FHOD3: variants seen among roughly 807,000 people sequenced by gnomAD.
The protein encoded by FHOD3 is FH1/FH2 domain-containing protein 3.
FHOD3 carries 90 observed loss-of-function variants against 173.0 expected under a neutral mutation model. That is an observed-to-expected ratio of 0.52 (90% CI 0.44 to 0.62). The LOEUF is 0.62. Ranked by LOEUF, FHOD3 falls within the 20% of genes least tolerant of loss-of-function variation. The pLI is 0.00. For synonymous variants in FHOD3, 828 were observed against 823.0 expected (o/e 1.01, Z -0.10); for missense variants, 1,945 against 2,034.7 (o/e 0.96, Z 0.85).
At chr18:36,550,821 G>A (rs1043037401) in intron 5 of FHOD3, among the ~76,000 whole-genome samples, 1 of 151,968 alleles carries the variant, frequency 6.6e-6, no homozygotes, top group African/African-American at 2.4e-5. Flanking sequence ...TAGCTTTTCT[G>A]TAGATTCCAT....
chr18:36,704,868 A>T (rs574903136), intron 17 of FHOD3, among the ~76,000 whole-genome samples: 1 of 152,204 alleles, frequency 6.6e-6, no homozygotes, highest in Non-Finnish European at 1.5e-5. Context: ...GATGTCTGGG[A>T]TGGAAAAACC....
At chr18:36,495,143 G>T (rs1019050723) in intron 3 of FHOD3, among the ~76,000 whole-genome samples, 13 of 152,062 alleles carry the variant, frequency 8.5e-5, no homozygotes, top group Admixed American at 3.9e-4. Flanking sequence ...ATTTCACCAG[G>T]TTGCTCAGTC....
In FHOD3 at chr18:36,774,444, C is replaced by T. The variant is rs114944617; in HGVS notation, c.4787-5004C>T. Among the ~76,000 whole-genome samples the T allele has an allele frequency of 1.1e-3, 161 of 152,284 alleles. 2 individuals are homozygous for T. The highest frequency in any genetic ancestry group is 3.8e-3 in the African/African-American group (156 of 41,540). ...CAGACTGTCACTGTCCTGAAAACCC[C>T]GCCTTTTCCTGCATCTCAGATGACA... On this transcript the variant is annotated intron_variant, in intron 28 of 28. Coordinates refer to ENST00000590592, the MANE Select transcript of FHOD3 (RefSeq NM_001281740.3).
chr18:36,661,966 C>T (rs2036839766), intron 14 of FHOD3, among the ~76,000 whole-genome samples: 1 of 152,190 alleles, frequency 6.6e-6, no homozygotes, highest in Non-Finnish European at 1.5e-5. Flanking sequence ...TTAATGAAAG[C>T]AGACTTTTAA....
intron 3 of FHOD3, among the ~76,000 whole-genome samples, chr18:36,411,177 A>G: frequency 6.6e-6 from 1 of 152,270 alleles, no homozygotes; most frequent in Admixed American, 6.5e-5. Flanking sequence ...TTTTGTATTT[A>G]GTGTGAGGTA....
chr18:36,508,230 A>G (rs1330767809), intron 4 of FHOD3, among the ~76,000 whole-genome samples: 1 of 152,076 alleles, frequency 6.6e-6, no homozygotes, highest in Non-Finnish European at 1.5e-5. Flanking sequence ...AATTGGAAAT[A>G]TCAGAATGAA....
At chr18:36,773,112 G>A (rs1210930625) in intron 28 of FHOD3, among the ~76,000 whole-genome samples, 5 of 152,224 alleles carry the variant, frequency 3.3e-5, no homozygotes, top group African/African-American at 7.2e-5. Context: ...TCAGAAAGTC[G>A]GGACTCAGGT....
chr18:36,721,398 T>G lies in FHOD3; in HGVS notation c.3417+2683T>G, dbSNP rs150952919. Among the ~76,000 whole-genome samples the G allele has an allele frequency of 2.0e-5, 3 of 152,290 alleles. No homozygotes were observed. The East Asian group carries it at 5.8e-4, about 29-fold the overall frequency. On this transcript the variant is annotated intron_variant, in intron 19 of 28. Transcript: ENST00000590592. The stretch of plus-strand genomic sequence containing the variant: ...GCTCATTCTGGTAATTCCAGCACTT[T>G]AGGAGGCCAAGGCAGGTAGATGGCT...
chr18:36,438,485 T>A (rs964410343), intron 3 of FHOD3, among the ~76,000 whole-genome samples: 13 of 152,164 alleles, frequency 8.5e-5, no homozygotes, highest in African/African-American at 3.1e-4. Context: ...TCAGTAGCCC[T>A]TCTGCCCAGA....
intron 19 of FHOD3, among the ~76,000 whole-genome samples, chr18:36,726,632 C>G (rs2041085459): frequency 6.6e-6 from 1 of 152,132 alleles, no homozygotes; most frequent in South Asian, 2.1e-4. Context: ...ACCACTGTGG[C>G]TTTCTGACCA....
At chr18:36,558,990 A>G (rs1346955249) in intron 5 of FHOD3, among the ~76,000 whole-genome samples, 1 of 150,326 alleles carries the variant, frequency 6.7e-6, no homozygotes, top group African/African-American at 2.4e-5. Context: ...TCCTCTGACA[A>G]GCTATTCTAT....
chr18:36,402,896 C>T (rs1201043809), intron 3 of FHOD3, among the ~76,000 whole-genome samples: 1 of 152,230 alleles, frequency 6.6e-6, no homozygotes, highest in Non-Finnish European at 1.5e-5. Flanking sequence ...TTCACATCTG[C>T]TGAGAGGCGT....
At chr18:36,616,027 T>G (rs1379099732) in intron 9 of FHOD3, among the ~76,000 whole-genome samples, 1 of 152,176 alleles carries the variant, frequency 6.6e-6, no homozygotes, top group Non-Finnish European at 1.5e-5. Flanking sequence ...CCCTCAGTTT[T>G]TTATTGTTAC....
chr18:36,637,407 G>A (rs1191964000), intron 10 of FHOD3, among the ~76,000 whole-genome samples: 2 of 152,050 alleles, frequency 1.3e-5, no homozygotes, highest in East Asian at 1.9e-4. Flanking sequence ...GAGTTCATGT[G>A]AGCACATCCA....
At chr18:36,428,327 T>A (rs1008847676) in intron 3 of FHOD3, among the ~76,000 whole-genome samples, 2 of 152,228 alleles carry the variant, frequency 1.3e-5, no homozygotes, top group Non-Finnish European at 2.9e-5. Context: ...TAGTAAGCGT[T>A]AAAGGATTTT....
chr18:36,729,012 C>T (rs1600449369), intron 19 of FHOD3, among the ~76,000 whole-genome samples: 2 of 152,298 alleles, frequency 1.3e-5, no homozygotes, highest in South Asian at 4.1e-4. Context: ...TCCTGAAGGT[C>T]TTCTGTCCCC....
chr18:36,742,061 C>T (rs1271064643), intron 21 of FHOD3, among the ~76,000 whole-genome samples: 1 of 152,052 alleles, frequency 6.6e-6, no homozygotes, highest in African/African-American at 2.4e-5. Context: ...CTGGCAAGAC[C>T]TGGGCTGGAG....
At chr18:36,759,250 A>AG in intron 26 of FHOD3, 109 bp downstream of exon 26, 1 of 1,199,862 alleles carries the variant, frequency 8.3e-7, no homozygotes, top group East Asian at 2.6e-5. Context: ...AGTGCTTTAA[A>AG]CAATGCATGG....
intron 3 of FHOD3, among the ~76,000 whole-genome samples, chr18:36,499,260 T>C (rs1200388733): frequency 6.6e-6 from 1 of 152,164 alleles, no homozygotes; most frequent in Non-Finnish European, 1.5e-5. Flanking sequence ...TGTGCCACCA[T>C]GCCTGGCAAA....
Sources: gnomAD v4.1 joint callset for allele counts (sites outside exome capture counted in the v4.1 genomes callset) on GRCh38, gnomAD v4.1.1 for gene constraint, MANE v1.5 for transcripts, NCBI Gene and HGNC (gene_info 2026-07-23, HGNC 2026-07-21) for gene names.